The following TMC1 variants were observed in gnomAD, a reference collection of about 807,000 sequenced individuals.
The protein encoded by TMC1 is transmembrane channel-like protein 1.
TMC1 carries 84 observed loss-of-function variants against 105.8 expected under a neutral mutation model. That is an observed-to-expected ratio of 0.79 (90% confidence interval 0.67 to 0.95). The LOEUF is 0.95. Ranked by LOEUF, TMC1 falls within the 40% of genes least tolerant of loss-of-function variation. TMC1 has a pLI of 0.00. For synonymous variants in TMC1, 315 were observed against 311.5 expected (o/e 1.01, Z -0.12); for missense variants, 817 against 914.1 (o/e 0.89, Z 1.37).
At chr9:72,831,387 G>A (rs1829038650) in intron 23 of TMC1, among the ~76,000 whole-genome samples, 1 of 151,930 alleles carries the variant, frequency 6.6e-6, no homozygotes, top group African/African-American at 2.4e-5. Context: ...CCACACAAAT[G>A]CAGGGAAATG....
intron 7 of TMC1, among the ~76,000 whole-genome samples, chr9:72,695,992 G>A (rs1293554904): frequency 1.3e-5 from 2 of 152,042 alleles, no homozygotes; most frequent in Non-Finnish European, 2.9e-5. Context: ...TTATTATGTA[G>A]TAATAGTTCC....
intron 1 of TMC1, among the ~76,000 whole-genome samples, chr9:72,545,131 T>C (rs1202178364): frequency 7.7e-6 from 1 of 129,274 alleles, no homozygotes; most frequent in East Asian, 2.3e-4. Context: ...TTTCATGATA[T>C]ATATATACAC....
intron 5 of TMC1, among the ~76,000 whole-genome samples, chr9:72,666,395 C>T (rs902743304): frequency 6.6e-6 from 1 of 152,186 alleles, no homozygotes; most frequent in African/African-American, 2.4e-5. Flanking sequence ...TCTAGCCTGG[C>T]AAATCTCTGT....
intron 18 of TMC1, chr9:72,808,956 A>ACTGG (rs1431371797): frequency 6.6e-6 from 1 of 152,228 alleles, no homozygotes; most frequent in Non-Finnish European, 1.5e-5. Context: ...GCCTCCTCGG[A>ACTGG]CTGGCCAAAA....
At chr9:72,803,151 A>G (rs1820889275) in intron 17 of TMC1, among the ~76,000 whole-genome samples, 1 of 152,238 alleles carries the variant, frequency 6.6e-6, no homozygotes, top group Non-Finnish European at 1.5e-5. Context: ...GCTATTTAAT[A>G]AATGATGCTA....
At chr9:72,802,252 T>TAC (rs1564564674) in intron 17 of TMC1, among the ~76,000 whole-genome samples, 202 of 145,724 alleles carry the variant, frequency 1.4e-3, no homozygotes, top group African/African-American at 4.9e-3. Context: ...CATACATACA[T>TAC]ATATACATAC....
intron 8 of TMC1, among the ~76,000 whole-genome samples, chr9:72,705,009 ATATTT>A (rs1488404489): frequency 6.6e-6 from 1 of 152,202 alleles, no homozygotes; most frequent in Non-Finnish European, 1.5e-5. Flanking sequence ...GTCAATTTCT[ATATTT>A]TATTAATCAC....
At chr9:72,744,027 A>T (rs1348623374) in intron 10 of TMC1, among the ~76,000 whole-genome samples, 2 of 152,172 alleles carry the variant, frequency 1.3e-5, no homozygotes, top group African/African-American at 4.8e-5. Context: ...CCATAGGGAG[A>T]TAACACAGCT....
At chr9:72,809,090 T>G (rs1434818160) in intron 18 of TMC1, 1 of 152,310 alleles carries the variant, frequency 6.6e-6, no homozygotes, top group Non-Finnish European at 1.5e-5. Flanking sequence ...ATTTCTATTT[T>G]CCTTACCTGA....
Position 72,567,796 on chromosome 9 carries a change from ACAG to A in TMC1, c.-427-10104_-427-10102del, listed in dbSNP as rs1335651922. On this transcript the variant is annotated intron_variant, in intron 1 of 23. Transcript: ENST00000297784. ...CCTCAAAATAGCCTTCCAGCTGAAG[ACAG>A]CTAAGGCACTCATGTAGTCTTATTT... Among the ~76,000 whole-genome samples the A allele has an allele frequency of 3.3e-5, 5 of 152,338 alleles. No homozygotes were observed. The East Asian group carries it at 9.6e-4, about 29-fold the overall frequency.
intron 10 of TMC1, among the ~76,000 whole-genome samples, chr9:72,743,763 ATTTAG>A (rs1827440065): frequency 6.6e-6 from 1 of 152,166 alleles, no homozygotes; most frequent in East Asian, 1.9e-4. Flanking sequence ...TCAAAAACCT[ATTTAG>A]TTTAGTGCTT....
intron 12 of TMC1, among the ~76,000 whole-genome samples, chr9:72,767,763 A>G (rs1188358926): frequency 6.6e-6 from 1 of 152,152 alleles, no homozygotes; most frequent in Non-Finnish European, 1.5e-5. Flanking sequence ...TCTGTCACAG[A>G]TTTTGGGGTG....
At chr9:72,699,815 G>C (rs758176348) in intron 7 of TMC1, among the ~76,000 whole-genome samples, 16 of 151,610 alleles carry the variant, frequency 1.1e-4, no homozygotes, top group Non-Finnish European at 1.5e-4. Flanking sequence ...AAATTAGCCG[G>C]GCAAGATGGC....
chr9:72,678,145 A>G (rs1405565030), intron 5 of TMC1, among the ~76,000 whole-genome samples: 1 of 152,120 alleles, frequency 6.6e-6, no homozygotes, highest in Non-Finnish European at 1.5e-5. Flanking sequence ...GCAACCCTGG[A>G]GGTGGAAATA....
intron 1 of TMC1, among the ~76,000 whole-genome samples, chr9:72,537,789 A>G (rs1303080923): frequency 6.6e-6 from 1 of 152,184 alleles, no homozygotes; most frequent in African/African-American, 2.4e-5. Context: ...GGTATATTCA[A>G]AAATTTCCTG....
chr9:72,587,981 G>T (rs767418624), intron 2 of TMC1, among the ~76,000 whole-genome samples: 1 of 151,818 alleles, frequency 6.6e-6, no homozygotes, highest in Non-Finnish European at 1.5e-5. Flanking sequence ...TAGAAATGGG[G>T]TGTCACCATG....
chr9:72,640,085 C>G (rs1272026273), intron 4 of TMC1, among the ~76,000 whole-genome samples: 1 of 152,122 alleles, frequency 6.6e-6, no homozygotes, highest in African/African-American at 2.4e-5. Context: ...GTGCCCAGCA[C>G]AGAAAAAGCA....
At chr9:72,670,098 A>G (rs1381074766) in intron 5 of TMC1, among the ~76,000 whole-genome samples, 1 of 152,210 alleles carries the variant, frequency 6.6e-6, no homozygotes, top group Non-Finnish European at 1.5e-5. Context: ...AAGAAAACTG[A>G]ACAGAGAGTG....
intron 8 of TMC1, among the ~76,000 whole-genome samples, chr9:72,719,192 C>T (rs1826973692): frequency 6.6e-6 from 1 of 152,190 alleles, no homozygotes; most frequent in Non-Finnish European, 1.5e-5. Context: ...CATCCTCCCC[C>T]AAGTTCTGGC....
Sources: gnomAD v4.1 joint callset for allele counts (sites outside exome capture counted in the v4.1 genomes callset) on GRCh38, gnomAD v4.1.1 for gene constraint, MANE v1.5 for transcripts, NCBI Gene and HGNC (gene_info 2026-07-23, HGNC 2026-07-21) for gene names.